PLCB1: variants seen among roughly 807,000 people sequenced by gnomAD.
PLCB1 encodes phospholipase C beta 1.
Under a neutral mutation model 161.8 loss-of-function variants are expected in PLCB1, and 46 were observed. That is an observed-to-expected ratio of 0.28 (90% CI 0.22 to 0.36). PLCB1 has a LOEUF of 0.36. Among genes scored for constraint, PLCB1 ranks in the 10% least tolerant of loss-of-function variants. PLCB1 has a pLI of 1.00. For missense variants in PLCB1, 1,016 were observed against 1,472.5 expected (o/e 0.69, Z 5.07); for synonymous variants, 517 against 503.7 (o/e 1.03, Z -0.35).
At chr20:8,664,146 A>G (rs1013252685) in intron 9 of PLCB1, among the ~76,000 whole-genome samples, 3 of 152,180 alleles carry the variant, frequency 2.0e-5, no homozygotes, top group Non-Finnish European at 4.4e-5. Context: ...GAATTAATGT[A>G]GCAGATTATA....
intron 2 of PLCB1, among the ~76,000 whole-genome samples, chr20:8,153,890 G>A (rs1373661629): frequency 6.6e-6 from 1 of 152,062 alleles, no homozygotes; most frequent in African/African-American, 2.4e-5. Context: ...TTTCTTTTTT[G>A]TTACAAATTT....
intron 2 of PLCB1, among the ~76,000 whole-genome samples, chr20:8,276,894 C>T (rs1982573367): frequency 6.6e-6 from 1 of 151,430 alleles, no homozygotes; most frequent in African/African-American, 2.4e-5. Context: ...TAATCTTAAC[C>T]CCACTCTTGG....
chr20:8,447,110 T>C (rs1042832451), intron 3 of PLCB1, among the ~76,000 whole-genome samples: 3 of 152,198 alleles, frequency 2.0e-5, no homozygotes, highest in Admixed American at 2.0e-4. Context: ...ATATTAATGA[T>C]ATTTGAACAT....
chr20:8,306,614 G>C (rs1164460358), intron 2 of PLCB1, among the ~76,000 whole-genome samples: 5 of 152,210 alleles, frequency 3.3e-5, no homozygotes, highest in Admixed American at 3.3e-4. Flanking sequence ...AATGCGAATA[G>C]CCTAGTGCAG....
intron 2 of PLCB1, among the ~76,000 whole-genome samples, chr20:8,212,066 G>A (rs1254266372): frequency 6.6e-6 from 1 of 152,028 alleles, no homozygotes; most frequent in East Asian, 1.9e-4. Flanking sequence ...CCAGGGACAA[G>A]GAACTTCTCC....
rs369591492 is a variant in PLCB1 at position 8,776,046 on chromosome 20, G to A, written c.3111+1327G>A. ...AAGTAAATTTTAACGGGCAATAATG[G>A]CTTTGAGATCCGGCTATAACCACTG... On this transcript the variant is annotated intron_variant, in intron 27 of 31. Coordinates refer to ENST00000338037, the MANE Select transcript of PLCB1 (RefSeq NM_015192.4). 6.6e-5 allele frequency among the ~76,000 whole-genome samples: 10 copies of A among 152,232 alleles called. No homozygotes were observed. The South Asian group carries it at 1.0e-3, about 16-fold the overall frequency.
At chr20:8,574,777 G>A (rs116300357) in intron 3 of PLCB1, among the ~76,000 whole-genome samples, 386 of 152,322 alleles carry the variant, frequency 2.5e-3, no homozygotes, top group African/African-American at 8.9e-3. Context: ...TGAGTCATTG[G>A]TTGATGGTTG....
intron 31 of PLCB1, among the ~76,000 whole-genome samples, chr20:8,833,956 G>A (rs1412640730): frequency 6.6e-6 from 1 of 151,574 alleles, no homozygotes; most frequent in African/African-American, 2.4e-5. Context: ...TTTCTTGTGG[G>A]TTGTATGTGT....
At chr20:8,293,661 T>C (rs899241878) in intron 2 of PLCB1, among the ~76,000 whole-genome samples, 2 of 152,000 alleles carry the variant, frequency 1.3e-5, no homozygotes, top group Non-Finnish European at 2.9e-5. Flanking sequence ...TTCATCTCAG[T>C]GAAAAAGGCA....
At chr20:8,691,616 A>G (rs1990481001) in intron 10 of PLCB1, among the ~76,000 whole-genome samples, 1 of 152,174 alleles carries the variant, frequency 6.6e-6, no homozygotes, top group South Asian at 2.1e-4. Flanking sequence ...AAATCCAAAT[A>G]GGAAGAATTT....
At chr20:8,691,415 A>G (rs1990476704) in intron 10 of PLCB1, among the ~76,000 whole-genome samples, 1 of 152,196 alleles carries the variant, frequency 6.6e-6, no homozygotes, top group African/African-American at 2.4e-5. Flanking sequence ...TGGAAAAAAG[A>G]AAGTTTTCCT....
chr20:8,662,263 ATAAG>A lies in PLCB1; in HGVS notation c.862+3562_862+3565del, dbSNP rs1393809074. Among the ~76,000 whole-genome samples, 33 of 70,530 alleles carry A rather than the reference ATAAG, an allele frequency of 4.7e-4. 1 individual carries two copies. In the East Asian group the frequency reaches 0.014, roughly 29 times the overall value. 46.3% of individuals were successfully genotyped at this position (70,530 alleles called of 152,430 possible). On this transcript the variant is annotated intron_variant, in intron 9 of 31. Coordinates refer to ENST00000338037, the MANE Select transcript of PLCB1 (RefSeq NM_015192.4). Reference sequence around the variant, plus strand: ...AATTATTTATTATATAATTCTATACATAAGTATTTATTATATAATTATGTATATA... The same window carrying A: ...AATTATTTATTATATAATTCTATACATATTTATTATATAATTATGTATATA...
At chr20:8,632,024 GGTTTTTTTTGCTT>G (rs1988604217) in intron 4 of PLCB1, among the ~76,000 whole-genome samples, 1 of 91,776 alleles carries the variant, frequency 1.1e-5, no homozygotes, top group African/African-American at 3.7e-5. Context: ...GACAAATATG[GGTTTTTTTTGCTT>G]TTTTTTTTTT....
At chr20:8,208,349 G>T (rs577224338) in intron 2 of PLCB1, among the ~76,000 whole-genome samples, 2 of 152,044 alleles carry the variant, frequency 1.3e-5, no homozygotes, top group Non-Finnish European at 2.9e-5. Flanking sequence ...AAAGCTGGCT[G>T]CTTTTAAAAG....
At chr20:8,545,581 T>C (rs1456957724) in intron 3 of PLCB1, among the ~76,000 whole-genome samples, 1 of 152,060 alleles carries the variant, frequency 6.6e-6, no homozygotes, top group Non-Finnish European at 1.5e-5. Flanking sequence ...AGATTATAGG[T>C]TTGGACAGAT....
At chr20:8,305,119 A>G (rs1030535574) in intron 2 of PLCB1, among the ~76,000 whole-genome samples, 6 of 152,206 alleles carry the variant, frequency 3.9e-5, no homozygotes, top group East Asian at 1.9e-4. Context: ...GCACTTCCCC[A>G]TACTATCCCC....
At chr20:8,605,109 T>A (rs6086534) in intron 3 of PLCB1, among the ~76,000 whole-genome samples, 2,935 of 152,086 alleles carry the variant, frequency 0.019, 33 homozygotes, top group South Asian at 0.043. Context: ...TATAGAATAC[T>A]GGAAAATATC....
intron 26 of PLCB1, among the ~76,000 whole-genome samples, chr20:8,771,885 C>CTTCCTTCG (rs1251354959): frequency 5.3e-5 from 8 of 150,808 alleles, no homozygotes; most frequent in African/African-American, 1.7e-4. Flanking sequence ...TCGTTCCTTC[C>CTTCCTTCG]TTCCTTCCTT....
intron 31 of PLCB1, among the ~76,000 whole-genome samples, chr20:8,875,490 T>C (rs1440391596): frequency 7.8e-6 from 1 of 128,418 alleles, no homozygotes; most frequent in Non-Finnish European, 1.7e-5. Context: ...ATAAAATATT[T>C]ATATAACATA....
Sources: gnomAD v4.1 joint callset for allele counts (sites outside exome capture counted in the v4.1 genomes callset) on GRCh38, gnomAD v4.1.1 for gene constraint, MANE v1.5 for transcripts, NCBI Gene and HGNC (gene_info 2026-07-23, HGNC 2026-07-21) for gene names.